BACH2: variants seen among roughly 807,000 people sequenced by gnomAD.
BACH2 encodes the protein BACH transcriptional regulator 2.
In BACH2, 5 loss-of-function variants were observed where a neutral mutation model predicts 61.8. The observed-to-expected ratio is 0.08, with a 90% CI of 0.04 to 0.17. The LOEUF (loss-of-function observed/expected upper bound fraction) is 0.17, where lower values mean the gene tolerates loss of function less well. Among genes scored for constraint, BACH2 ranks in the 10% least tolerant of loss-of-function variants. BACH2 has a pLI of 1.00. For missense variants in BACH2, 824 were observed against 1,091.1 expected (o/e 0.76, Z 3.45); for synonymous variants, 446 against 440.1 (o/e 1.01, Z -0.17).
intron 4 of BACH2, among the ~76,000 whole-genome samples, chr6:90,095,243 A>T (rs1474024979): frequency 2.0e-5 from 3 of 147,946 alleles, no homozygotes; most frequent in Admixed American, 1.3e-4. Context: ...TTTTTTTTTT[A>T]AACTCTTATC....
intron 6 of BACH2, among the ~76,000 whole-genome samples, chr6:89,976,942 C>T (rs1439751022): frequency 1.3e-5 from 2 of 152,226 alleles, no homozygotes. Flanking sequence ...GGTCTGCTCG[C>T]TATTTACAAA....
intron 5 of BACH2, among the ~76,000 whole-genome samples, chr6:90,087,440 G>A (rs1004991725): frequency 6.6e-6 from 1 of 152,106 alleles, no homozygotes; most frequent in Non-Finnish European, 1.5e-5. Flanking sequence ...TCAAAGCTCA[G>A]AAATATACAA....
chr6:89,947,717 C>G (rs979871372), intron 7 of BACH2, among the ~76,000 whole-genome samples: 3 of 151,980 alleles, frequency 2.0e-5, no homozygotes, highest in Non-Finnish European at 4.4e-5. Flanking sequence ...AGGCGCCCAC[C>G]ACGACGCCCA....
At chr6:89,997,805 C>T (rs995963178) in intron 6 of BACH2, among the ~76,000 whole-genome samples, 4 of 152,226 alleles carry the variant, frequency 2.6e-5, no homozygotes, top group Non-Finnish European at 4.4e-5. Flanking sequence ...GCCACTCAAC[C>T]TGGCTTGATA....
chr6:89,966,489 A>G (rs970936182), intron 6 of BACH2, among the ~76,000 whole-genome samples: 13 of 152,242 alleles, frequency 8.5e-5, no homozygotes, highest in African/African-American at 3.1e-4. Context: ...ACTCTCAGAT[A>G]GAACATACCA....
chr6:89,950,983 C>T lies in BACH2; in HGVS notation c.1123G>A (p.Gly375Arg). 6.3e-7 allele frequency: 1 copy of T among 1,578,220 alleles called. No homozygotes were observed. Among genetic ancestry groups the T allele is most frequent in the Non-Finnish European group, 8.6e-7 (1 of 1,163,084 alleles). ...ARSPACPFDKGITQGDLKTDY... is the reference protein window; with the variant it reads ...ARSPACPFDKRITQGDLKTDY... ...GTTTTAAGGTCACCCTGAGTGATCCCCTTGTCAAAAGGGCAGGCTGGACTC... is the reference window on the plus strand; with the variant it reads ...GTTTTAAGGTCACCCTGAGTGATCCTCTTGTCAAAAGGGCAGGCTGGACTC... Residue 375 changes from glycine to arginine, a missense_variant, in exon 7 of 9, where the codon GGG (glycine) becomes AGG (arginine). Coordinates refer to ENST00000257749, the MANE Select transcript of BACH2 (RefSeq NM_021813.4). This position sits in a 1 kb window ranked among gnomAD's most constrained non-coding sequence, Gnocchi z 5.3.
chr6:90,013,674 T>C (rs944679564), intron 5 of BACH2, among the ~76,000 whole-genome samples: 1 of 149,132 alleles, frequency 6.7e-6, no homozygotes, highest in Non-Finnish European at 1.5e-5. Flanking sequence ...GCCAGGCTAA[T>C]TTTTTTTGTA....
intron 7 of BACH2, among the ~76,000 whole-genome samples, chr6:89,944,382 A>T (rs532654554): frequency 2.6e-4 from 39 of 152,390 alleles, no homozygotes; most frequent in African/African-American, 9.4e-4. Flanking sequence ...TTCGTCTTAC[A>T]GACATGTGCT....
chr6:90,252,570 GATC>G lies in BACH2; in HGVS notation c.-335_-333del, dbSNP rs1170699821. The G allele has an allele frequency of 1.3e-5, 2 of 152,050 alleles. No individual in the cohort carries two copies. The highest frequency in any genetic ancestry group is 1.5e-5 in the Non-Finnish European group (1 of 67,998). 9.4% of individuals were successfully genotyped at this position (152,050 alleles called of 1,614,324 possible). ...ATCATTCAACTTCCCAGGCAAAGATGATCAACAGCAACACTCTTATCTAAAGCA... is the reference window on the plus strand; with the variant it reads ...ATCATTCAACTTCCCAGGCAAAGATGAACAGCAACACTCTTATCTAAAGCA... On this transcript the variant is annotated 5_prime_UTR_variant, in exon 3 of 9. Transcript: ENST00000257749.
intron 5 of BACH2, among the ~76,000 whole-genome samples, chr6:90,051,870 C>T (rs866626806): frequency 6.6e-6 from 1 of 152,080 alleles, no homozygotes; most frequent in Non-Finnish European, 1.5e-5. Flanking sequence ...TACTGTATCC[C>T]ACAAGTTGAT....
intron 4 of BACH2, among the ~76,000 whole-genome samples, chr6:90,166,074 T>C (rs1412419501): frequency 6.6e-6 from 1 of 151,912 alleles, no homozygotes; most frequent in Non-Finnish European, 1.5e-5. Flanking sequence ...CTAATTAAAC[T>C]AAAGAGCTTC....
At chr6:90,285,662 T>C (rs555903168) in intron 1 of BACH2, among the ~76,000 whole-genome samples, 5 of 152,336 alleles carry the variant, frequency 3.3e-5, no homozygotes, top group African/African-American at 1.2e-4. Context: ...GTCTGGCTGC[T>C]GGCAGGAGAA....
chr6:90,295,936 A>G (rs2127897073), intron 1 of BACH2, among the ~76,000 whole-genome samples: 2 of 152,080 alleles, frequency 1.3e-5, no homozygotes, highest in African/African-American at 2.4e-5. Flanking sequence ...CTGAGCGCAA[A>G]GGCGCCGCGG....
chr6:90,182,744 C>T (rs1211279702), intron 4 of BACH2, among the ~76,000 whole-genome samples: 1 of 152,158 alleles, frequency 6.6e-6, no homozygotes, highest in African/African-American at 2.4e-5. Flanking sequence ...GAATCCCTTG[C>T]TTTTAAATAA....
intron 4 of BACH2, among the ~76,000 whole-genome samples, chr6:90,112,457 T>A (rs866111595): frequency 1.7e-4 from 26 of 152,186 alleles, no homozygotes; most frequent in Admixed American, 5.9e-4. Flanking sequence ...TTCAACATTC[T>A]TACAGAAAAA....
intron 3 of BACH2, among the ~76,000 whole-genome samples, chr6:90,238,470 C>T (rs1383119734): frequency 6.6e-6 from 1 of 152,164 alleles, no homozygotes; most frequent in Non-Finnish European, 1.5e-5. Context: ...AAAATATTTA[C>T]ACTACTTCTA....
At chr6:89,994,371 A>C (rs1472455933) in intron 6 of BACH2, among the ~76,000 whole-genome samples, 1 of 152,234 alleles carries the variant, frequency 6.6e-6, no homozygotes, top group Non-Finnish European at 1.5e-5. Context: ...AACATACAGG[A>C]ATGCAAAGGC....
intron 5 of BACH2, among the ~76,000 whole-genome samples, chr6:90,069,362 C>T (rs1781117142): frequency 1.3e-5 from 2 of 152,176 alleles, no homozygotes; most frequent in Non-Finnish European, 2.9e-5. Context: ...CAGCAACCCC[C>T]TTTCAATGAG....
chr6:90,057,604 A>G (rs1582282023), intron 5 of BACH2, among the ~76,000 whole-genome samples: 1 of 152,334 alleles, frequency 6.6e-6, no homozygotes, highest in South Asian at 2.1e-4. Context: ...AAAAGAGGGA[A>G]TCCTCCCTAA....
Sources: allele counts gnomAD v4.1 joint callset (sites outside exome capture counted in the v4.1 genomes callset), GRCh38; gene constraint gnomAD v4.1.1; non-coding constraint Gnocchi (gnomAD v3.1); transcripts MANE v1.5; gene names NCBI Gene and HGNC (gene_info 2026-07-23, HGNC 2026-07-21).